Variants in NLGN1 observed in about 807,000 individuals in gnomAD.
NLGN1 encodes the protein neuroligin-1.
NLGN1 carries 12 observed loss-of-function variants against 65.5 expected under a neutral mutation model. That is an observed-to-expected ratio of 0.18 (90% CI 0.12 to 0.30). The LOEUF is 0.30. Among genes scored for constraint, NLGN1 ranks in the 10% least tolerant of loss-of-function variants. NLGN1 has a pLI of 1.00. For missense variants in NLGN1, 750 were observed against 1,007.1 expected, an observed-to-expected ratio of 0.74 and a Z score of 3.46; for synonymous variants, 350 against 359.5, an observed-to-expected ratio of 0.97 and a Z score of 0.30.
chr3:173,641,832 T>C (rs1164208242), intron 3 of NLGN1, among the ~76,000 whole-genome samples: 2 of 152,220 alleles, frequency 1.3e-5, no homozygotes, highest in Non-Finnish European at 2.9e-5. Context: ...AATAATATTT[T>C]ATTGGAACAG....
chr3:173,730,787 G>A (rs1328431814), intron 3 of NLGN1, among the ~76,000 whole-genome samples: 1 of 151,994 alleles, frequency 6.6e-6, no homozygotes, highest in Non-Finnish European at 1.5e-5. Flanking sequence ...TTTATTAAAA[G>A]GTCTTTCTTT....
intron 2 of NLGN1, among the ~76,000 whole-genome samples, chr3:173,474,361 G>GC (rs758890345): frequency 3.3e-5 from 5 of 152,052 alleles, no homozygotes; most frequent in Admixed American, 6.6e-5. Context: ...TGGAAAAGTG[G>GC]CAATTATTCT....
At chr3:173,397,445 C>T (rs1716802130), upstream of NLGN1, among the ~76,000 whole-genome samples, 2 of 152,102 alleles carry the variant, frequency 1.3e-5, no homozygotes, top group South Asian at 4.1e-4. Flanking sequence ...TGCCGCTAAC[C>T]TCTTTCCTCC....
intron 4 of NLGN1, among the ~76,000 whole-genome samples, chr3:174,238,946 G>T (rs757324199): frequency 6.6e-6 from 1 of 152,068 alleles, no homozygotes; most frequent in Non-Finnish European, 1.5e-5. Context: ...TACTCAATGG[G>T]GTTGGTGGAA....
intron 1 of NLGN1, among the ~76,000 whole-genome samples, chr3:173,414,919 T>C (rs1713371519): frequency 6.6e-6 from 1 of 152,118 alleles, no homozygotes; most frequent in African/African-American, 2.4e-5. Flanking sequence ...TGTCCACATA[T>C]GAATAACGTC....
chr3:174,020,906 G>C (rs965736906), intron 4 of NLGN1, among the ~76,000 whole-genome samples: 3 of 152,134 alleles, frequency 2.0e-5, no homozygotes, highest in African/African-American at 7.2e-5. Context: ...GCATTTAGAA[G>C]TGTGGTCTGT....
chr3:174,025,878 A>G (rs547963435), intron 4 of NLGN1, among the ~76,000 whole-genome samples: 81 of 152,342 alleles, frequency 5.3e-4, no homozygotes, highest in African/African-American at 1.8e-3. Flanking sequence ...ATATTCACCA[A>G]GAGACAGAAT....
At chr3:173,748,871 C>G (rs1250088933) in intron 3 of NLGN1, among the ~76,000 whole-genome samples, 1 of 151,994 alleles carries the variant, frequency 6.6e-6, no homozygotes, top group African/African-American at 2.4e-5. Flanking sequence ...CAAGGTGAAA[C>G]TGATTGAAAT....
At chr3:173,642,678 A>C (rs1577694116) in intron 3 of NLGN1, among the ~76,000 whole-genome samples, 1 of 152,196 alleles carries the variant, frequency 6.6e-6, no homozygotes, top group East Asian at 1.9e-4. Flanking sequence ...TCTTAAAGCA[A>C]GATTCAAAAG....
chr3:174,019,940 T>C (rs1727400746), intron 4 of NLGN1, among the ~76,000 whole-genome samples: 1 of 152,138 alleles, frequency 6.6e-6, no homozygotes, highest in African/African-American at 2.4e-5. Flanking sequence ...GTATGATTAA[T>C]TTAACAGTAT....
intron 4 of NLGN1, among the ~76,000 whole-genome samples, chr3:173,857,314 A>C (rs1331464222): frequency 2.0e-5 from 3 of 152,098 alleles, no homozygotes; most frequent in Non-Finnish European, 2.9e-5. Flanking sequence ...CTTGTGTTCA[A>C]ACCCTGAAAG....
At chr3:174,095,222 T>TAA (rs1189638040) in intron 4 of NLGN1, among the ~76,000 whole-genome samples, 1 of 114,814 alleles carries the variant, frequency 8.7e-6, no homozygotes, top group African/African-American at 3.2e-5. Context: ...TTTTAAAAAC[T>TAA]AAAAAAAAAA....
intron 4 of NLGN1, among the ~76,000 whole-genome samples, chr3:174,015,812 A>C (rs1176576314): frequency 2.6e-5 from 4 of 152,180 alleles, no homozygotes; most frequent in Admixed American, 6.6e-5. Context: ...ATTTTCAGCA[A>C]ATAAATGGCA....
chr3:174,169,459 G>A (rs1029506861), intron 4 of NLGN1, among the ~76,000 whole-genome samples: 9 of 151,508 alleles, frequency 5.9e-5, no homozygotes, highest in Non-Finnish European at 1.5e-5. Flanking sequence ...CACAGTAAGG[G>A]TGAGGTGGTT....
At chr3:174,219,742 C>T (rs1171135580) in intron 4 of NLGN1, among the ~76,000 whole-genome samples, 1 of 152,056 alleles carries the variant, frequency 6.6e-6, no homozygotes. Context: ...GTTCCATAAA[C>T]GTTCATTGAT....
chr3:173,843,328 G>A (rs1426377939), intron 4 of NLGN1, among the ~76,000 whole-genome samples: 1 of 147,972 alleles, frequency 6.8e-6, no homozygotes, highest in African/African-American at 2.7e-5. Context: ...CTATTGTCTT[G>A]GGGATTAGCA....
At chr3:173,871,673 A>G (rs1731185738) in intron 4 of NLGN1, among the ~76,000 whole-genome samples, 1 of 152,222 alleles carries the variant, frequency 6.6e-6, no homozygotes, top group Non-Finnish European at 1.5e-5. Flanking sequence ...CAACAAGGCC[A>G]TGCCTGGAAC....
chr3:174,097,554 G>T (rs1745769555), intron 4 of NLGN1, among the ~76,000 whole-genome samples: 1 of 152,044 alleles, frequency 6.6e-6, no homozygotes, highest in African/African-American at 2.4e-5. Context: ...AGATAATTCT[G>T]CCAGTCACTC....
chr3:173,723,246 C>G (rs1578130199), intron 3 of NLGN1, among the ~76,000 whole-genome samples: 1 of 152,130 alleles, frequency 6.6e-6, no homozygotes, highest in Admixed American at 6.6e-5. Flanking sequence ...TAAGGATTGG[C>G]TTTTACTGCA....
Sources: gnomAD v4.1 joint callset for allele counts (sites outside exome capture counted in the v4.1 genomes callset) on GRCh38, gnomAD v4.1.1 for gene constraint, MANE v1.5 for transcripts, NCBI Gene and HGNC (gene_info 2026-07-23, HGNC 2026-07-21) for gene names.